The following GRID2 variants were observed in gnomAD, a reference collection of about 807,000 sequenced individuals.
The protein encoded by GRID2 is glutamate ionotropic receptor delta type subunit 2.
GRID2 carries 33 observed loss-of-function variants against 114.8 expected under a neutral mutation model. That is an observed-to-expected ratio of 0.29 (90% CI 0.22 to 0.38). GRID2 has a LOEUF of 0.38. Ranked by LOEUF, GRID2 falls within the 10% of genes least tolerant of loss-of-function variation. GRID2 has a pLI of 1.00. For synonymous variants in GRID2, 505 were observed against 449.9 expected, an observed-to-expected ratio of 1.12 and a Z score of -1.55; for missense variants, 1,184 against 1,257.7, an observed-to-expected ratio of 0.94 and a Z score of 0.89.
chr4:93,496,396 T>C (rs1727550526), intron 12 of GRID2, among the ~76,000 whole-genome samples: 1 of 151,578 alleles, frequency 6.6e-6, no homozygotes, highest in African/African-American at 2.4e-5. Context: ...AAATTGACAT[T>C]GGTACAATGT....
At chr4:92,580,167 T>C (rs1051221136) in intron 1 of GRID2, among the ~76,000 whole-genome samples, 1 of 151,172 alleles carries the variant, frequency 6.6e-6, no homozygotes, top group Non-Finnish European at 1.5e-5. Flanking sequence ...AGTTGTCTAG[T>C]CTACAGTTAT....
At chr4:92,355,579 T>G (rs1728280390) in intron 1 of GRID2, among the ~76,000 whole-genome samples, 1 of 151,910 alleles carries the variant, frequency 6.6e-6, no homozygotes, top group South Asian at 2.1e-4. Context: ...TATTTAACTT[T>G]ACGTTATGAC....
rs1744847570 is a variant in GRID2 at position 92,866,171 on chromosome 4, G to C, written c.245-218824G>C. ...ATAGTGAGAGGAATATTGTGAGGAA[G>C]TGTTGTCAGAACTTCAGTAGGATTT... On this transcript the variant is annotated intron_variant, in intron 2 of 15. Coordinates refer to ENST00000282020, the MANE Select transcript of GRID2 (RefSeq NM_001510.4). 3.9e-5 allele frequency among the ~76,000 whole-genome samples: 6 copies of C among 152,186 alleles called. No individual in the cohort carries two copies. In the South Asian group the frequency reaches 1.2e-3, roughly 31 times the overall value.
intron 2 of GRID2, among the ~76,000 whole-genome samples, chr4:93,036,121 G>A (rs1412185439): frequency 6.6e-6 from 1 of 151,944 alleles, no homozygotes; most frequent in Admixed American, 6.6e-5. Flanking sequence ...ATATTTCGGT[G>A]GTCATTTAGA....
At chr4:92,520,608 A>C (rs1369991829) in intron 1 of GRID2, among the ~76,000 whole-genome samples, 1 of 151,944 alleles carries the variant, frequency 6.6e-6, no homozygotes. Context: ...ATGGTATGCT[A>C]ATAGGCGCCC....
chr4:93,182,541 T>A (rs2149437195), intron 4 of GRID2, among the ~76,000 whole-genome samples: 1 of 152,324 alleles, frequency 6.6e-6, no homozygotes, highest in African/African-American at 2.4e-5. Flanking sequence ...TCTACTTCAG[T>A]TATGTAGAAA....
At chr4:92,738,828 A>G (rs1736727559) in intron 2 of GRID2, among the ~76,000 whole-genome samples, 1 of 152,034 alleles carries the variant, frequency 6.6e-6, no homozygotes, top group Non-Finnish European at 1.5e-5. Flanking sequence ...TTTCTTAAAA[A>G]TTAATTTTTA....
intron 2 of GRID2, among the ~76,000 whole-genome samples, chr4:92,686,532 G>A (rs900045794): frequency 5.3e-5 from 8 of 151,862 alleles, no homozygotes; most frequent in Non-Finnish European, 5.9e-5. Context: ...TTGAATTCTT[G>A]GATTCTGAGA....
chr4:93,193,595 T>G (rs1325665765), intron 4 of GRID2, among the ~76,000 whole-genome samples: 2 of 152,160 alleles, frequency 1.3e-5, no homozygotes, highest in South Asian at 4.1e-4. Flanking sequence ...TAAACCTCTT[T>G]CCTTTGTAAA....
At chr4:93,237,780 C>T (rs1369009856) in intron 7 of GRID2, among the ~76,000 whole-genome samples, 1 of 151,830 alleles carries the variant, frequency 6.6e-6, no homozygotes, top group Non-Finnish European at 1.5e-5. Context: ...AGAATCTCAA[C>T]AGCCAGCACT....
intron 1 of GRID2, among the ~76,000 whole-genome samples, chr4:92,491,267 C>T (rs1374427428): frequency 6.6e-6 from 1 of 152,098 alleles, no homozygotes; most frequent in Non-Finnish European, 1.5e-5. Flanking sequence ...ATGCATCTTG[C>T]ATTTGTGACA....
rs1366792954 is a variant in GRID2 at position 92,429,491 on chromosome 4, TC to T, written c.88+124748del. On this transcript the variant is annotated intron_variant, in intron 1 of 15. Transcript: ENST00000282020. ...TGTGTACTGCATTTTCTTTGTCCTT[TC>T]ATCTGTTGATGAAGAGCTTAGGTTG... Among the ~76,000 whole-genome samples the T allele has an allele frequency of 1.2e-4, 18 of 152,348 alleles. No homozygotes were observed. In the East Asian group the frequency reaches 2.9e-3, roughly 24 times the overall value.
At chr4:93,262,031 G>T (rs1669623897) in intron 8 of GRID2, among the ~76,000 whole-genome samples, 1 of 150,750 alleles carries the variant, frequency 6.6e-6, no homozygotes, top group Non-Finnish European at 1.5e-5. Flanking sequence ...TTCCACAAAG[G>T]GTTTAAAGAA....
chr4:93,252,268 C>A (rs998103844), intron 8 of GRID2, among the ~76,000 whole-genome samples: 1 of 148,788 alleles, frequency 6.7e-6, no homozygotes, highest in Non-Finnish European at 1.5e-5. Flanking sequence ...GATCCAGTTT[C>A]AATTTCCTGC....
intron 2 of GRID2, among the ~76,000 whole-genome samples, chr4:92,765,806 C>G (rs773539135): frequency 2.6e-5 from 4 of 152,164 alleles, no homozygotes; most frequent in Non-Finnish European, 4.4e-5. Flanking sequence ...AGAGGCATCC[C>G]CTGATTGCTG....
Position 92,644,097 on chromosome 4 carries a change from T to A in GRID2, c.244+53811T>A, listed in dbSNP as rs964556038. ...CATGATTAAAAAATAACAGATTGTG[T>A]TGCTTATAAAAAAAGGGTAGTGTTG... On this transcript the variant is annotated intron_variant, in intron 2 of 15. Transcript: ENST00000282020. 2.0e-5 allele frequency among the ~76,000 whole-genome samples: 3 copies of A among 151,696 alleles called. No individual in the cohort carries two copies. The Admixed American group carries it at 2.0e-4, about 10-fold the overall frequency.
chr4:92,858,982 G>A (rs1223257257), intron 2 of GRID2, among the ~76,000 whole-genome samples: 1 of 152,150 alleles, frequency 6.6e-6, no homozygotes, highest in African/African-American at 2.4e-5. Context: ...TGCATAAACT[G>A]ATTTGATAAA....
chr4:92,478,065 T>TA (rs1560657997), intron 1 of GRID2, among the ~76,000 whole-genome samples: 1 of 151,718 alleles, frequency 6.6e-6, no homozygotes, highest in Non-Finnish European at 1.5e-5. Flanking sequence ...TAAATAACAT[T>TA]AAAAAATTGA....
intron 13 of GRID2, among the ~76,000 whole-genome samples, chr4:93,579,143 A>T (rs1449021443): frequency 6.6e-6 from 1 of 152,158 alleles, no homozygotes; most frequent in African/African-American, 2.4e-5. Context: ...GAATTGTTGC[A>T]AAATTTAGGA....
Sources: allele counts gnomAD v4.1 joint callset (sites outside exome capture counted in the v4.1 genomes callset), GRCh38; gene constraint gnomAD v4.1.1; transcripts MANE v1.5; gene names NCBI Gene and HGNC (gene_info 2026-07-23, HGNC 2026-07-21).